The following FAM149A variants were observed in gnomAD, a reference collection of about 807,000 sequenced individuals.
The protein encoded by FAM149A is family with sequence similarity 149 member A.
A neutral mutation model predicts 78.2 loss-of-function variants in FAM149A; 71 were observed. The observed-to-expected ratio is 0.91, with a 90% CI of 0.75 to 1.11. The LOEUF (loss-of-function observed/expected upper bound fraction) is 1.11, where lower values mean the gene tolerates loss of function less well. Ranked by LOEUF, FAM149A falls within the 50% of genes least tolerant of loss-of-function variation. The probability of loss-of-function intolerance (pLI) is 0.00; values close to 1 mark genes in which losing one functional copy is unlikely to be tolerated. For missense variants in FAM149A, 1,036 were observed against 971.0 expected (o/e 1.07, Z -0.89); for synonymous variants, 446 against 410.5 (o/e 1.09, Z -1.04).
At chr4:186,123,699 A>T in intron 1 of FAM149A, 1 of 355,580 alleles carries the variant, frequency 2.8e-6, no homozygotes, top group Non-Finnish European at 3.9e-6. Flanking sequence ...TTTTGCAGCA[A>T]GTAAGAAAGT....
chr4:186,155,926 G>A (rs1269602355), intron 6 of FAM149A, 74 bp from the exon 7 acceptor site: 3 of 1,166,270 alleles, frequency 2.6e-6, no homozygotes, highest in Non-Finnish European at 3.7e-6. Context: ...GTACATACGT[G>A]AATGTGTGTA....
At chr4:186,152,178 T>C in intron 4 of FAM149A, 133 bp downstream of exon 4, 1 of 764,574 alleles carries the variant, frequency 1.3e-6, no homozygotes, top group Non-Finnish European at 2.2e-6. Context: ...GCGCAGTCCT[T>C]CACTGAGAGA....
intron 1 of FAM149A, among the ~76,000 whole-genome samples, chr4:186,143,497 A>T (rs1732713823): frequency 6.6e-6 from 1 of 152,050 alleles, no homozygotes. Context: ...CACTTTTATA[A>T]AAGTGGGGAG....
rs148908888 is a variant in FAM149A, at chr4:186,146,449, G to A, written c.567-2724G>A. On this transcript the variant is annotated intron_variant, in intron 1 of 13. Transcript: ENST00000389354. ...ACAGTGGGAAGCCTGGTCCTGGAAA[G>A]GATGTGGTGTGATGTGAAGAGAGAT... is the stretch of plus-strand genomic sequence containing the variant. The A allele has an allele frequency of 5.7e-4, 558 of 985,344 alleles. 1 individual carries two copies. The African/African-American group carries it at 9.4e-3, about 17-fold the overall frequency. 61.0% of individuals were successfully genotyped at this position (985,344 alleles called of 1,614,324 possible).
At chr4:186,157,416 G>A (rs1035156885) in intron 7 of FAM149A, 149 bp from the exon 8 acceptor site, 9 of 741,308 alleles carry the variant, frequency 1.2e-5, no homozygotes, top group African/African-American at 3.6e-5. Context: ...CTCCACAGGG[G>A]TCTCTGCCCT....
At chr4:186,157,741 TC>T (rs1322789762) in intron 8 of FAM149A, 22 bp downstream of exon 8, 1 of 1,592,158 alleles carries the variant, frequency 6.3e-7, no homozygotes, top group South Asian at 1.1e-5. Context: ...CACACCCTTC[TC>T]CCTCTTGCCT....
Position 186,105,158 on chromosome 4 carries a change from T to C in FAM149A, c.82T>C (p.Ser28Pro), listed in dbSNP as rs1306636278. ...GACGGCGCCCCCCGCAGGCCCCTCC[T>C]CCAGACCCTCGGGAGGTGCTGCCGC... The change falls in exon 1 of 14, where the codon TCC (serine) becomes CCC (proline). Residue 28 changes from serine (S) to proline (P), a missense_variant. This residue lies in a region of FAM149A where 316 missense variants were observed against 241.9 expected (regional missense o/e 1.31). Transcript: ENST00000389354. The C allele has an allele frequency of 4.7e-6, 6 of 1,279,146 alleles. No homozygotes were observed. The highest frequency in any genetic ancestry group is 6.1e-6 in the Non-Finnish European group (6 of 984,502). 79.2% of individuals were successfully genotyped at this position (1,279,146 alleles called of 1,614,324 possible).
intron 1 of FAM149A, among the ~76,000 whole-genome samples, chr4:186,135,534 A>G (rs2099322334): frequency 2.0e-5 from 3 of 152,180 alleles, no homozygotes; most frequent in Non-Finnish European, 1.5e-5. Flanking sequence ...TTGTCAACTG[A>G]TCGATACCTG....
intron 13 of FAM149A, chr4:186,169,222 T>A: frequency 1.0e-6 from 1 of 983,654 alleles, no homozygotes; most frequent in Non-Finnish European, 1.2e-6. Flanking sequence ...TAAAATATGC[T>A]AGTCATTGTT....
rs1733863207 is a variant in FAM149A at position 186,154,390 on chromosome 4, A to G, written c.1059-78A>G. ...ATTCTGTACTTTACAGATAATTGAA[A>G]GATCCGCCATGATCGTTTAAGCATT... On this transcript the variant is annotated intron_variant, in intron 5 of 13. Transcript: ENST00000389354. The G allele has an allele frequency of 1.1e-5, 13 of 1,218,192 alleles. No individual in the cohort carries two copies. The South Asian group carries it at 1.8e-4, about 17-fold the overall frequency. The allele number at this position is 1,218,192 out of a possible 1,614,324, so 75.5% of individuals were successfully genotyped here. A position where few individuals can be genotyped will look rare whatever the true frequency, so the allele number is the denominator to read the frequency against.
intron 9 of FAM149A, among the ~76,000 whole-genome samples, 155 bp downstream of exon 9, chr4:186,163,103 C>CTTTA (rs1053629534): frequency 1.3e-4 from 20 of 152,224 alleles, no homozygotes; most frequent in African/African-American, 4.6e-4. Context: ...GAAACAGACC[C>CTTTA]TTTAGTACCA....
chr4:186,126,139 C>T, intron 1 of FAM149A: 1 of 975,892 alleles, frequency 1.0e-6, no homozygotes, highest in South Asian at 4.7e-5. Flanking sequence ...AGTATCATAT[C>T]ACTTGCCCTG....
intron 1 of FAM149A, among the ~76,000 whole-genome samples, chr4:186,120,523 G>A (rs542651661): frequency 1.3e-5 from 2 of 152,128 alleles, no homozygotes; most frequent in African/African-American, 2.4e-5. Flanking sequence ...ACCGGGCGCG[G>A]TGGCTCACAC....
chr4:186,110,036 T>C (rs1366676529), intron 1 of FAM149A: 6 of 985,346 alleles, frequency 6.1e-6, no homozygotes, highest in African/African-American at 3.5e-5. Context: ...CCCTTGTCTT[T>C]TCCTCCACTG....
At chr4:186,136,308 A>G (rs923670430) in intron 1 of FAM149A, among the ~76,000 whole-genome samples, 3 of 152,208 alleles carry the variant, frequency 2.0e-5, no homozygotes, top group African/African-American at 7.2e-5. Flanking sequence ...TTCACTTTAT[A>G]CTAAGTATAG....
chr4:186,109,888 C>G, intron 1 of FAM149A: 1 of 985,308 alleles, frequency 1.0e-6, no homozygotes, highest in Non-Finnish European at 1.2e-6. Flanking sequence ...GCATGACTTA[C>G]AGAAGATAAG....
At chr4:186,146,812 A>G in intron 1 of FAM149A, 1 of 985,374 alleles carries the variant, frequency 1.0e-6, no homozygotes, top group Non-Finnish European at 1.2e-6. Context: ...TCACGATGTA[A>G]TCCTATGTTT....
In FAM149A at chr4:186,157,670, A is replaced by G. The variant is rs1786386263; in HGVS notation, c.1526A>G (p.His509Arg). 6.2e-7 allele frequency: 1 copy of G among 1,613,828 alleles called. No homozygotes were observed. The stretch of plus-strand genomic sequence containing the variant: ...GGAGCCAGTGGCCCCCCGTCCGGAC[A>G]CGCCGAGGCTCACGGCATCTCCCTG... The change falls in exon 8 of 14, where the codon CAC (histidine) becomes CGC (arginine). Residue 509 changes from histidine (H) to arginine (R), a missense_variant. Around this residue, in one of 3 missense-constraint regions of FAM149A, gnomAD observed 716 missense variants for 711.8 expected, o/e 1.01. Coordinates refer to ENST00000389354, the MANE Select transcript of FAM149A (RefSeq NM_001367768.3).
chr4:186,166,272 G>A (rs1023094370), intron 11 of FAM149A, among the ~76,000 whole-genome samples: 2 of 152,184 alleles, frequency 1.3e-5, no homozygotes, highest in Admixed American at 6.5e-5. Context: ...TGCATGCCCT[G>A]TGCCACCTTG....
Sources: gnomAD v4.1 joint callset for allele counts (sites outside exome capture counted in the v4.1 genomes callset) on GRCh38, gnomAD v4.1.1 for gene constraint, gnomAD v4.1.1 regional missense constraint, MANE v1.5 for transcripts, NCBI Gene and HGNC (gene_info 2026-07-23, HGNC 2026-07-21) for gene names.